Variants in WHRN observed in about 807,000 individuals in gnomAD.
WHRN encodes CASK-interacting protein CIP98.
In WHRN, 41 loss-of-function variants were observed where a neutral mutation model predicts 68.3. That is an observed-to-expected ratio of 0.60 (90% confidence interval 0.47 to 0.78). The LOEUF (loss-of-function observed/expected upper bound fraction) is 0.78. Ranked by LOEUF, WHRN falls within the 30% of genes least tolerant of loss-of-function variation. The pLI, the probability that WHRN is intolerant of heterozygous loss-of-function variation, is 0.00. For synonymous variants in WHRN, 560 were observed against 561.3 expected (o/e 1.00, Z 0.03); for missense variants, 1,243 against 1,244.7 (o/e 1.00, Z 0.02).
rs1040476863 is a variant in WHRN, at chr9:114,424,845, T to A, written c.1203+143A>T. 1.3e-5 allele frequency: 13 copies of A among 971,634 alleles called. No individual in the cohort carries two copies. The African/African-American group carries it at 2.1e-4, about 15-fold the overall frequency. The allele number at this position is 971,634 out of a possible 1,614,324, so 60.2% of individuals were successfully genotyped here. ...CCAGAACCTAGCAGTCAGTCACAGA[T>A]AAGTGGGCTGGGGGGTGGGCAGATA... On this transcript the variant is annotated intron_variant, in intron 5 of 11. Coordinates refer to ENST00000362057, the MANE Select transcript of WHRN (RefSeq NM_015404.4).
At chr9:114,414,457 G>C (rs935622763) in intron 7 of WHRN, among the ~76,000 whole-genome samples, 1 of 152,206 alleles carries the variant, frequency 6.6e-6, no homozygotes. Flanking sequence ...TGCCAGAGGG[G>C]TCTATGGCAC....
At chr9:114,489,511 C>CAT (rs1340523884) in intron 1 of WHRN, among the ~76,000 whole-genome samples, 1 of 25,394 alleles carries the variant, frequency 3.9e-5, no homozygotes. Flanking sequence ...CACGCACACA[C>CAT]GCGTGCACAC....
intron 7 of WHRN, among the ~76,000 whole-genome samples, chr9:114,420,469 A>G (rs1482936706): frequency 6.6e-6 from 1 of 152,194 alleles, no homozygotes; most frequent in Non-Finnish European, 1.5e-5. Context: ...GTCTGAGGTC[A>G]CACCTGCTAA....
In WHRN at chr9:114,455,113, A is replaced by G. The variant is rs555412942; in HGVS notation, c.963+11154T>C. On this transcript the variant is annotated intron_variant, in intron 3 of 11. Transcript: ENST00000362057. ...TATAATACTGTTAGAGGAATATATA[A>G]TACAAAATCTATGTGACCTTGGGTT... is the stretch of plus-strand genomic sequence containing the variant. Among the ~76,000 whole-genome samples the G allele has an allele frequency of 2.1e-4, 32 of 152,370 alleles. 1 individual carries two copies. The South Asian group carries it at 6.6e-3, about 32-fold the overall frequency.
intron 1 of WHRN, among the ~76,000 whole-genome samples, chr9:114,479,744 C>G (rs182597317): frequency 6.6e-6 from 1 of 152,282 alleles, no homozygotes; most frequent in Non-Finnish European, 1.5e-5. Context: ...TGGAGGGAAA[C>G]TGCCTGCCCA....
intron 3 of WHRN, among the ~76,000 whole-genome samples, chr9:114,463,465 A>G (rs549017811): frequency 6.6e-6 from 1 of 152,324 alleles, no homozygotes; most frequent in South Asian, 2.1e-4. Context: ...TACAGACTAA[A>G]TGCAATGTGG....
At chr9:114,432,568 C>G (rs1451107126) in intron 3 of WHRN, among the ~76,000 whole-genome samples, 2 of 152,220 alleles carry the variant, frequency 1.3e-5, no homozygotes, top group Non-Finnish European at 2.9e-5. Flanking sequence ...CACTCTGTCA[C>G]TTACTTGCTG....
At chr9:114,499,905 G>T (rs530896716) in intron 1 of WHRN, among the ~76,000 whole-genome samples, 3 of 152,162 alleles carry the variant, frequency 2.0e-5, no homozygotes, top group African/African-American at 7.2e-5. Flanking sequence ...AGACACTAGC[G>T]CTGGTGTGGT....
At chr9:114,450,832 C>CG (rs1348949272) in intron 3 of WHRN, among the ~76,000 whole-genome samples, 16 of 148,250 alleles carry the variant, frequency 1.1e-4, no homozygotes, top group Non-Finnish European at 1.8e-4. Flanking sequence ...AGTTTCCCCC[C>CG]CCGCAAAAAA....
chr9:114,448,236 G>A (rs555530152), intron 3 of WHRN, among the ~76,000 whole-genome samples: 31 of 152,096 alleles, frequency 2.0e-4, no homozygotes, highest in Admixed American at 1.3e-4. Flanking sequence ...AGGGAGATTT[G>A]AGCCACAAAG....
chr9:114,408,151 A>C, intron 7 of WHRN, 133 bp from the exon 8 acceptor site: 2 of 735,804 alleles, frequency 2.7e-6, no homozygotes, highest in Non-Finnish European at 4.9e-6. Context: ...GACATACCTC[A>C]CTTCATCGAA....
Position 114,504,201 on chromosome 9 carries a change from G to A in WHRN, c.601C>T (p.His201Tyr). The A allele has an allele frequency of 6.2e-7, 1 of 1,614,160 alleles. No individual in the cohort carries two copies. Residue 201 changes from histidine (H) to tyrosine (Y), a missense_variant, in exon 1 of 12, where the codon CAC becomes TAC. By Grantham distance (83) the His-to-Tyr change is moderately conservative. Transcript: ENST00000362057. ...AGCCTTACCTTGACGGCCTCCGCGT[G>A]GGTCACCCGGGCCAGGGATTTGTCG... is the stretch of plus-strand genomic sequence containing the variant. ...VNDKSLARVTHAEAVKALKGS... is the reference protein window; with the variant it reads ...VNDKSLARVTYAEAVKALKGS...
chr9:114,435,932 T>C (rs1478621034), intron 3 of WHRN, among the ~76,000 whole-genome samples: 1 of 152,158 alleles, frequency 6.6e-6, no homozygotes, highest in Non-Finnish European at 1.5e-5. Context: ...AAATAAAATA[T>C]CCCCTTTTCT....
rs753136572 is a variant in WHRN, at chr9:114,406,467, G to C, written c.2124C>G (p.Pro708=). The C allele has an allele frequency of 3.1e-6, 5 of 1,614,174 alleles. No individual in the cohort carries two copies. In the South Asian group the frequency reaches 5.5e-5, roughly 18 times the overall value. The change falls in exon 9 of 12, where the codon CCC becomes CCG. Residue 708 remains proline (P), a synonymous_variant. Transcript: ENST00000362057. ...TGCCTGTCTGGTCTGGGTGGCCAGA[G>C]GGTGATGGGGGCAGAAGGCAGCCCC... ...VAGGCLLPPS[P]SGHPDQTGTN... is the part of the protein sequence containing the mutation.
intron 3 of WHRN, among the ~76,000 whole-genome samples, chr9:114,448,068 A>G (rs749622377): frequency 6.6e-6 from 1 of 152,134 alleles, no homozygotes; most frequent in Non-Finnish European, 1.5e-5. Context: ...TCCCCCAAAA[A>G]TATGTCCAAG....
chr9:114,501,539 TTTAA>T (rs1445331105), intron 1 of WHRN, among the ~76,000 whole-genome samples: 5 of 141,260 alleles, frequency 3.5e-5, no homozygotes, highest in Non-Finnish European at 7.5e-5. Flanking sequence ...TTTAATTTAA[TTTAA>T]TTTTTATTAC....
Position 114,504,284 on chromosome 9 carries a change from G to T in WHRN, c.518C>A (p.Pro173Gln), listed in dbSNP as rs1233646228. ...TCCTTCCTTCTCAGCTAGAGAGCCT[G>T]GTTCCACCAGAGACACGTAGATGCC... ...GVGIYVSLVE[P>Q]GSLAEKEGLR... is the part of the protein sequence containing the mutation. Residue 173 changes from proline to glutamine, a missense_variant, in exon 1 of 12, where the codon CCA becomes CAA. Physicochemically the swap from Pro to Gln is moderately conservative, Grantham distance 76. Coordinates refer to ENST00000362057, the MANE Select transcript of WHRN (RefSeq NM_015404.4). The T allele has an allele frequency of 6.2e-7, 1 of 1,613,976 alleles. No homozygotes were observed. The highest frequency in any genetic ancestry group is 8.5e-7 in the Non-Finnish European group (1 of 1,180,042).
At position 114,438,994 on chromosome 9, in the gene WHRN, C is replaced by A. The variant is rs983366505; in HGVS notation, c.964-12581G>T. ...CTGACATAACAGGATTTCCAGGATA[C>A]GGTGAAGAAAATTAAGTGCAAAAGA... On this transcript the variant is annotated intron_variant, in intron 3 of 11. Transcript: ENST00000362057. 2.6e-5 allele frequency among the ~76,000 whole-genome samples: 4 copies of A among 152,012 alleles called. No homozygotes were observed. The South Asian group carries it at 8.3e-4, about 32-fold the overall frequency.
intron 3 of WHRN, among the ~76,000 whole-genome samples, chr9:114,459,122 G>A (rs1274001435): frequency 6.6e-6 from 1 of 152,140 alleles, no homozygotes; most frequent in East Asian, 1.9e-4. Flanking sequence ...TGATCTGGGA[G>A]AAGAGACATT....
Sources: gnomAD v4.1 joint callset for allele counts (sites outside exome capture counted in the v4.1 genomes callset) on GRCh38, gnomAD v4.1.1 for gene constraint, MANE v1.5 for transcripts, NCBI Gene and HGNC (gene_info 2026-07-23, HGNC 2026-07-21) for gene names.